HTR1E: variants seen among roughly 807,000 people sequenced by gnomAD.
HTR1E encodes the protein 5-hydroxytryptamine receptor 1E.
Under a neutral mutation model 3.4 loss-of-function variants are expected in HTR1E, and 3 were observed. The ratio of observed to expected loss-of-function variants is 0.89; its 90% CI spans 0.41 to 2.31. HTR1E has a LOEUF of 2.31. Ranked by LOEUF, HTR1E falls within the 30% of genes most tolerant of loss-of-function variation. The probability of loss-of-function intolerance (pLI) is 0.05; values close to 1 mark genes in which losing one functional copy is unlikely to be tolerated. For missense variants in HTR1E, 392 were observed against 467.0 expected, an observed-to-expected ratio of 0.84 and a Z score of 1.48; for synonymous variants, 170 against 182.8, an observed-to-expected ratio of 0.93 and a Z score of 0.56.
chr6:86,945,939 A>G (rs911866744), intron 1 of HTR1E, among the ~76,000 whole-genome samples: 7 of 152,100 alleles, frequency 4.6e-5, no homozygotes, highest in Non-Finnish European at 5.9e-5. Context: ...GGGATTCACT[A>G]TGTTGGCCAG....
Position 87,016,226 on chromosome 6 carries a change from G to T in HTR1E, c.892G>T (p.Gly298Cys), listed in dbSNP as rs1768323645. ...AGCACGCATCCTGGGGCTGATTCTGGGTGCATTCATTTTATCCTGGCTGCC... is the reference window on the plus strand; with the variant it reads ...AGCACGCATCCTGGGGCTGATTCTGTGTGCATTCATTTTATCCTGGCTGCC... ...KAARILGLIL[G>C]AFILSWLPFF... Residue 298 changes from glycine to cysteine, a missense_variant, in exon 2 of 2, where the codon GGT becomes TGT. Coordinates refer to ENST00000305344, the MANE Select transcript of HTR1E (RefSeq NM_000865.3). The T allele has an allele frequency of 6.2e-7, 1 of 1,613,906 alleles. No individual in the cohort carries two copies.
At chr6:86,957,369 A>C (rs115474210) in intron 1 of HTR1E, among the ~76,000 whole-genome samples, 1,781 of 152,380 alleles carry the variant, frequency 0.012, 33 homozygotes, top group African/African-American at 0.04. Flanking sequence ...GCAATAAAAT[A>C]AGACATCTAT....
intron 1 of HTR1E, among the ~76,000 whole-genome samples, chr6:86,975,602 C>T (rs1454415309): frequency 1.3e-5 from 2 of 151,886 alleles, no homozygotes; most frequent in Non-Finnish European, 1.5e-5. Context: ...TATATGTGTA[C>T]CCTCCTCACT....
At chr6:86,949,894 T>C (rs954064066) in intron 1 of HTR1E, among the ~76,000 whole-genome samples, 3 of 152,210 alleles carry the variant, frequency 2.0e-5, no homozygotes, top group African/African-American at 7.2e-5. Context: ...TTGAATCATT[T>C]GGCTCTTGGT....
intron 1 of HTR1E, among the ~76,000 whole-genome samples, chr6:86,946,814 A>G (rs1768622488): frequency 2.0e-5 from 3 of 152,160 alleles, no homozygotes; most frequent in African/African-American, 7.2e-5. Context: ...TAGAAACTGA[A>G]CCATAATTAA....
intron 1 of HTR1E, among the ~76,000 whole-genome samples, chr6:86,945,138 C>G (rs1276556391): frequency 6.6e-6 from 1 of 152,102 alleles, no homozygotes; most frequent in Non-Finnish European, 1.5e-5. Flanking sequence ...CATGTTATTG[C>G]CCCGAAGGAC....
At chr6:86,996,885 T>C (rs1424734668) in intron 1 of HTR1E, among the ~76,000 whole-genome samples, 1 of 152,022 alleles carries the variant, frequency 6.6e-6, no homozygotes, top group East Asian at 1.9e-4. Flanking sequence ...ACTCATTTTA[T>C]GAAGCCGGTA....
At chr6:87,011,095 A>G (rs1768226233) in intron 1 of HTR1E, among the ~76,000 whole-genome samples, 1 of 152,210 alleles carries the variant, frequency 6.6e-6, no homozygotes, top group Non-Finnish European at 1.5e-5. Context: ...TCCATTTGCA[A>G]TAGCTACTAT....
chr6:86,953,646 A>C (rs1301645424), intron 1 of HTR1E, among the ~76,000 whole-genome samples: 2 of 152,116 alleles, frequency 1.3e-5, no homozygotes, highest in Admixed American at 1.3e-4. Flanking sequence ...CATTTCTGTC[A>C]CATTCTATTA....
chr6:86,966,728 T>C (rs572060499), intron 1 of HTR1E, among the ~76,000 whole-genome samples: 2 of 152,310 alleles, frequency 1.3e-5, no homozygotes, highest in South Asian at 4.1e-4. Flanking sequence ...TATGGAATGC[T>C]GAGATGGAGT....
intron 1 of HTR1E, among the ~76,000 whole-genome samples, chr6:86,944,552 T>G (rs188257653): frequency 6.6e-6 from 1 of 152,346 alleles, no homozygotes; most frequent in South Asian, 2.1e-4. Flanking sequence ...GATAGTGATA[T>G]AAGAACAGCA....
At chr6:86,985,092 C>T (rs543089220) in intron 1 of HTR1E, among the ~76,000 whole-genome samples, 12 of 152,160 alleles carry the variant, frequency 7.9e-5, no homozygotes, top group Non-Finnish European at 1.6e-4. Context: ...TGTATTCACG[C>T]TGTCATTCAG....
At position 87,015,481 on chromosome 6, in the gene HTR1E, C is replaced by T. The variant is rs997779298; in HGVS notation, c.147C>T (p.Thr49=). 6.2e-6 allele frequency: 10 copies of T among 1,613,998 alleles called. No homozygotes were observed. The highest frequency in any genetic ancestry group is 8.5e-6 in the Non-Finnish European group (10 of 1,180,016). The part of the protein sequence containing the change: ...LNLAVIMAIG[T]TKKLHQPANY... ...TGGCTGTGATCATGGCTATTGGCAC[C>T]ACCAAGAAGCTCCACCAGCCTGCCA... is the stretch of plus-strand genomic sequence containing the variant. The change falls in exon 2 of 2, where the codon ACC becomes ACT. Residue 49 remains threonine (T), a synonymous_variant. Coordinates refer to ENST00000305344, the MANE Select transcript of HTR1E (RefSeq NM_000865.3).
rs116054403 is a variant in HTR1E at position 86,974,325 on chromosome 6, A to G, written c.-186+36502A>G. Among the ~76,000 whole-genome samples, 395 of 152,304 alleles carry G rather than the reference A, an allele frequency of 2.6e-3. 5 individuals are homozygous for G. The highest frequency in any genetic ancestry group is 9.1e-3 in the African/African-American group (380 of 41,578). ...AAATTAATATTGAAATATTAATGCC[A>G]TCTGTTCCTCAGTCCAGTAATGTTC... On this transcript the variant is annotated intron_variant, in intron 1 of 1. Coordinates refer to ENST00000305344, the MANE Select transcript of HTR1E (RefSeq NM_000865.3).
At chr6:87,011,952 G>C (rs797007933) in intron 1 of HTR1E, among the ~76,000 whole-genome samples, 1 of 152,174 alleles carries the variant, frequency 6.6e-6, no homozygotes, top group Non-Finnish European at 1.5e-5. Flanking sequence ...GATCCTGGGG[G>C]TCTAAGACTT....
At chr6:86,990,152 GTTC>G (rs1562068826) in intron 1 of HTR1E, among the ~76,000 whole-genome samples, 1 of 152,210 alleles carries the variant, frequency 6.6e-6, no homozygotes, top group African/African-American at 2.4e-5. Flanking sequence ...AGGGAGCCCA[GTTC>G]TTCTCTGAGG....
rs200144947 is a variant in HTR1E, at chr6:87,015,577, C to T, written c.243C>T (p.Ile81=). ...VAVLVMPLSI[I]YIVMDRWKLG... The stretch of plus-strand genomic sequence containing the variant: ...TGCTCGTCATGCCCCTGAGCATCAT[C>T]TACATTGTCATGGATCGCTGGAAGC... The change falls in exon 2 of 2, where the codon ATC becomes ATT. Residue 81 remains isoleucine (I), a synonymous_variant. Coordinates refer to ENST00000305344, the MANE Select transcript of HTR1E (RefSeq NM_000865.3). The T allele has an allele frequency of 2.7e-5, 43 of 1,613,606 alleles. 1 individual carries two copies. In the Admixed American group the frequency reaches 6.5e-4, roughly 24 times the overall value.
At chr6:87,000,876 T>C (rs1221415645) in intron 1 of HTR1E, among the ~76,000 whole-genome samples, 1 of 152,210 alleles carries the variant, frequency 6.6e-6, no homozygotes, top group African/African-American at 2.4e-5. Flanking sequence ...GTGTGTAAAC[T>C]ATTCATATCT....
At chr6:86,955,366 C>G (rs2325018) in intron 1 of HTR1E, among the ~76,000 whole-genome samples, 18 of 152,236 alleles carry the variant, frequency 1.2e-4, no homozygotes, top group Admixed American at 2.6e-4. Context: ...CGTTAGAATG[C>G]TCTGTACATG....
Sources: gnomAD v4.1 joint callset for allele counts (sites outside exome capture counted in the v4.1 genomes callset) on GRCh38, gnomAD v4.1.1 for gene constraint, MANE v1.5 for transcripts, NCBI Gene and HGNC (gene_info 2026-07-23, HGNC 2026-07-21) for gene names.